CDH4: variants seen among roughly 807,000 people sequenced by gnomAD.
CDH4 encodes the protein cadherin-4.
In CDH4, 33 loss-of-function variants were observed where a neutral mutation model predicts 86.0. The ratio of observed to expected loss-of-function variants is 0.38; its 90% CI spans 0.29 to 0.51. The LOEUF (loss-of-function observed/expected upper bound fraction) is 0.51. Ranked by LOEUF, CDH4 falls within the 20% of genes least tolerant of loss-of-function variation. CDH4 has a pLI of 0.86. For missense variants in CDH4, 1,114 were observed against 1,307.4 expected (o/e 0.85, Z 2.28); for synonymous variants, 555 against 549.4 (o/e 1.01, Z -0.14).
At chr20:61,355,051 C>G (rs147771985) in intron 2 of CDH4, among the ~76,000 whole-genome samples, 8 of 152,206 alleles carry the variant, frequency 5.3e-5, no homozygotes, top group Non-Finnish European at 7.4e-5. Flanking sequence ...GCTTCACACT[C>G]AGCACATCAG....
At chr20:61,438,733 C>A (rs1321688593) in intron 2 of CDH4, among the ~76,000 whole-genome samples, 1 of 152,126 alleles carries the variant, frequency 6.6e-6, no homozygotes, top group African/African-American at 2.4e-5. Flanking sequence ...ACTTTGCCAT[C>A]CTGTGTTAGT....
chr20:61,337,530 G>T (rs2084626391), intron 2 of CDH4, among the ~76,000 whole-genome samples: 1 of 151,954 alleles, frequency 6.6e-6, no homozygotes, highest in African/African-American at 2.4e-5. Flanking sequence ...GGAAGATGAG[G>T]GAAAGCATGG....
intron 4 of CDH4, among the ~76,000 whole-genome samples, chr20:61,839,056 A>G (rs1157912370): frequency 6.6e-6 from 1 of 152,194 alleles, no homozygotes; most frequent in Non-Finnish European, 1.5e-5. Flanking sequence ...AGGGTCTGCG[A>G]TCTGTTTTCC....
chr20:61,628,443 A>T lies in CDH4; in HGVS notation c.170-115120A>T, dbSNP rs938888354. On this transcript the variant is annotated intron_variant, in intron 2 of 15. Coordinates refer to ENST00000614565, the MANE Select transcript of CDH4 (RefSeq NM_001794.5). ...GGTTTGCCAGCTCATTCATTCATTCATTCATTCATTCCTCTGCTTGCCCTT... is the reference window on the plus strand; with the variant it reads ...GGTTTGCCAGCTCATTCATTCATTCTTTCATTCATTCCTCTGCTTGCCCTT... Among the ~76,000 whole-genome samples the T allele has an allele frequency of 4.6e-5, 7 of 152,162 alleles. No individual in the cohort carries two copies. The South Asian group carries it at 1.5e-3, about 32-fold the overall frequency.
chr20:61,437,378 C>A (rs1048571117), intron 2 of CDH4: 1 of 152,192 alleles, frequency 6.6e-6, no homozygotes, highest in Non-Finnish European at 1.5e-5. Context: ...AGCATTTAGC[C>A]GACGAAATAG....
chr20:61,920,318 G>C (rs2054961888), intron 9 of CDH4, among the ~76,000 whole-genome samples: 1 of 142,610 alleles, frequency 7.0e-6, no homozygotes, highest in Non-Finnish European at 1.6e-5. Context: ...GTGGAAGCGT[G>C]GTGTGATTGT....
intron 2 of CDH4, among the ~76,000 whole-genome samples, chr20:61,285,194 G>T (rs1235640859): frequency 2.0e-5 from 3 of 152,156 alleles, no homozygotes; most frequent in African/African-American, 4.8e-5. Flanking sequence ...ATAAAGTTTG[G>T]CGTTATTGGC....
intron 2 of CDH4, among the ~76,000 whole-genome samples, chr20:61,601,828 CAG>C (rs1260801395): frequency 6.6e-6 from 1 of 152,230 alleles, no homozygotes; most frequent in Non-Finnish European, 1.5e-5. Context: ...TGGATGCCCA[CAG>C]GGGCTGCACA....
At chr20:61,424,146 G>A (rs1161028757) in intron 2 of CDH4, among the ~76,000 whole-genome samples, 1 of 141,758 alleles carries the variant, frequency 7.1e-6, no homozygotes, top group African/African-American at 2.6e-5. Flanking sequence ...CAGCACACAT[G>A]TATACACACA....
At chr20:61,776,749 C>A (rs888425689) in intron 4 of CDH4, among the ~76,000 whole-genome samples, 1 of 152,192 alleles carries the variant, frequency 6.6e-6, no homozygotes, top group Non-Finnish European at 1.5e-5. Flanking sequence ...GTGCTCCAGC[C>A]ATTCAGCCAC....
At position 61,561,237 on chromosome 20, in the gene CDH4, G is replaced by C. The variant is rs147727788; in HGVS notation, c.170-182326G>C. Among the ~76,000 whole-genome samples, 578 of 152,318 alleles carry C rather than the reference G, an allele frequency of 3.8e-3. 5 individuals carry two copies. The highest frequency in any genetic ancestry group is 0.013 in the African/African-American group (549 of 41,578). ...CCTCTGTTCATGTCCTCTGCATCTG[G>C]TGACCACACAACCCACTCCTGTAGG... On this transcript the variant is annotated intron_variant, in intron 2 of 15. Transcript: ENST00000614565.
intron 2 of CDH4, among the ~76,000 whole-genome samples, chr20:61,274,251 T>C (rs1265448207): frequency 8.1e-6 from 1 of 124,124 alleles, no homozygotes; most frequent in African/African-American, 3.2e-5. Context: ...CCATGTACAG[T>C]TTGGGGGAGT....
intron 8 of CDH4, among the ~76,000 whole-genome samples, chr20:61,906,580 T>C (rs899193716): frequency 2.0e-5 from 3 of 152,216 alleles, no homozygotes; most frequent in African/African-American, 4.8e-5. Context: ...GCAGGCTGCT[T>C]TGGGGGCAAG....
In CDH4 at chr20:61,923,572, T is replaced by C. The variant is rs747154753; in HGVS notation, c.1496T>C (p.Met499Thr). 5 of 1,614,136 alleles carry C rather than the reference T, an allele frequency of 3.1e-6. No homozygotes were observed. The highest frequency in any genetic ancestry group is 1.7e-5 in the Admixed American group (1 of 60,020). ...QSTAGVTISIMDINEAPYFPS... is the reference protein window; with the variant it reads ...QSTAGVTISITDINEAPYFPS... The stretch of plus-strand genomic sequence containing the variant: ...ACGGCAGGGGTGACCATCTCCATCA[T>C]GGACATCAACGAGGCTCCCTACTTC... Residue 499 changes from methionine to threonine, a missense_variant, in exon 10 of 16, where the codon ATG becomes ACG. Met to Thr is a moderately conservative substitution (Grantham distance 81). Around this residue, in one of 3 missense-constraint regions of CDH4, gnomAD observed 705 missense variants for 914.1 expected, o/e 0.77. Coordinates refer to ENST00000614565, the MANE Select transcript of CDH4 (RefSeq NM_001794.5).
chr20:61,812,288 TGAG>T (rs1980481111), intron 4 of CDH4, among the ~76,000 whole-genome samples: 1 of 152,124 alleles, frequency 6.6e-6, no homozygotes, highest in Non-Finnish European at 1.5e-5. Flanking sequence ...CTGCCAGAGC[TGAG>T]GAGCACAGGC....
At chr20:61,310,945 G>A (rs2084442110) in intron 2 of CDH4, among the ~76,000 whole-genome samples, 2 of 152,142 alleles carry the variant, frequency 1.3e-5, no homozygotes. Flanking sequence ...CACGTTCTGT[G>A]GTACTGGGGG....
At chr20:61,714,282 A>G (rs983138080) in intron 2 of CDH4, among the ~76,000 whole-genome samples, 11 of 151,928 alleles carry the variant, frequency 7.2e-5, no homozygotes, top group South Asian at 4.2e-4. Context: ...TCCTGACCTC[A>G]TGATCCGCCC....
intron 3 of CDH4, among the ~76,000 whole-genome samples, chr20:61,771,598 G>A (rs2088776511): frequency 7.3e-6 from 1 of 136,322 alleles, no homozygotes; most frequent in African/African-American, 2.7e-5. Flanking sequence ...CTCCAGCCTG[G>A]ATGACACAGT....
rs768112429 is a variant in CDH4, at chr20:61,550,171, A to ACTGGCCTCCCTAGCCTGCTTCC, written c.170-193374_170-193353dup. On this transcript the variant is annotated intron_variant, in intron 2 of 15. Coordinates refer to ENST00000614565, the MANE Select transcript of CDH4 (RefSeq NM_001794.5). ...TCCATGGCCTCCCTGCCCCAACCTC[A>ACTGGCCTCCCTAGCCTGCTTCC]CTGGCCTCCCTAGCCTGCTTCCCTG... Among the ~76,000 whole-genome samples the ACTGGCCTCCCTAGCCTGCTTCC allele has an allele frequency of 4.1e-4, 43 of 105,764 alleles. 1 individual carries two copies. The highest frequency in any genetic ancestry group is 9.5e-4 in the Admixed American group (10 of 10,498). 69.4% of individuals were successfully genotyped at this position (105,764 alleles called of 152,430 possible).
Sources: allele counts gnomAD v4.1 joint callset (sites outside exome capture counted in the v4.1 genomes callset), GRCh38; gene constraint gnomAD v4.1.1; regional missense constraint gnomAD v4.1.1; transcripts MANE v1.5; gene names NCBI Gene and HGNC (gene_info 2026-07-23, HGNC 2026-07-21).